STPG2: variants seen among roughly 807,000 people sequenced by gnomAD.
STPG2 encodes the protein sperm-tail PG-rich repeat-containing protein 2.
Under a neutral mutation model 54.2 loss-of-function variants are expected in STPG2, and 56 were observed. The observed-to-expected ratio is 1.03, with a 90% CI of 0.83 to 1.29. The LOEUF (loss-of-function observed/expected upper bound fraction) is 1.29. Ranked by LOEUF, STPG2 falls within the 50% of genes most tolerant of loss-of-function variation. The probability of loss-of-function intolerance (pLI) is 0.00; values close to 1 mark genes in which losing one functional copy is unlikely to be tolerated. For synonymous variants in STPG2, 200 were observed against 181.8 expected, an observed-to-expected ratio of 1.10 and a Z score of -0.81; for missense variants, 596 against 544.9, an observed-to-expected ratio of 1.09 and a Z score of -0.93.
At chr4:97,911,031 C>A (rs190498709) in intron 8 of STPG2, among the ~76,000 whole-genome samples, 1 of 152,292 alleles carries the variant, frequency 6.6e-6, no homozygotes, top group African/African-American at 2.4e-5. Context: ...CAATAGCTCA[C>A]CTGGAAGCAC....
At chr4:97,861,156 T>A (rs1190789505) in intron 8 of STPG2, among the ~76,000 whole-genome samples, 1 of 151,970 alleles carries the variant, frequency 6.6e-6, no homozygotes, top group East Asian at 1.9e-4. Flanking sequence ...AAAAATACAA[T>A]AATCTGATTT....
rs112799834 is a variant in STPG2, at chr4:97,544,186, A to C, written c.462+168513T>G. Among the ~76,000 whole-genome samples the C allele has an allele frequency of 2.8e-3, 423 of 152,278 alleles. 2 individuals carry two copies. The highest frequency in any genetic ancestry group is 4.6e-3 in the Non-Finnish European group (314 of 67,978). On this transcript the variant is annotated intron_variant, in intron 4 of 4. Coordinates refer to the STPG2 transcript ENST00000522676. Reference sequence around the variant, plus strand: ...AAATTATAAAGATACAATTCCAGTTAATTACATTACAAGTATCTCAGAATG... The same window carrying C: ...AAATTATAAAGATACAATTCCAGTTCATTACATTACAAGTATCTCAGAATG...
intron 9 of STPG2, among the ~76,000 whole-genome samples, chr4:97,833,171 C>G (rs1728522195): frequency 6.6e-6 from 1 of 152,100 alleles, no homozygotes; most frequent in Admixed American, 6.6e-5. Flanking sequence ...ATGTATAGAC[C>G]AATGGAACAG....
intron 4 of STPG2, among the ~76,000 whole-genome samples, chr4:97,454,750 T>C (rs2148801775): frequency 6.6e-6 from 1 of 152,208 alleles, no homozygotes; most frequent in African/African-American, 2.4e-5. Context: ...TTTAGGAATA[T>C]ATCATGACTA....
intron 9 of STPG2, among the ~76,000 whole-genome samples, chr4:97,717,030 G>C (rs1376132909): frequency 6.6e-6 from 1 of 152,090 alleles, no homozygotes; most frequent in African/African-American, 2.4e-5. Flanking sequence ...ATAGCAAAGA[G>C]AAAAGACTAG....
intron 4 of STPG2, among the ~76,000 whole-genome samples, chr4:97,504,382 A>G (rs1730801891): frequency 6.6e-6 from 1 of 151,480 alleles, no homozygotes; most frequent in South Asian, 2.1e-4. Context: ...TAATCTTGAC[A>G]TCAAAATTAC....
chr4:97,846,076 G>A (rs1426390629), intron 8 of STPG2, among the ~76,000 whole-genome samples: 1 of 151,990 alleles, frequency 6.6e-6, no homozygotes, highest in Non-Finnish European at 1.5e-5. Flanking sequence ...TCTTTACTAT[G>A]AAGTATTTAT....
At position 97,657,353 on chromosome 4, in the gene STPG2, G is replaced by T. The variant is rs564121590; in HGVS notation, c.1320+55346C>A. On this transcript the variant is annotated intron_variant, in intron 10 of 10. Transcript: ENST00000295268. ...AGAGTAATTAAATTCCATCATCTTTGCTATGATGCCAACTCTAAAACATAA... is the reference window on the plus strand; with the variant it reads ...AGAGTAATTAAATTCCATCATCTTTTCTATGATGCCAACTCTAAAACATAA... 7.2e-5 allele frequency among the ~76,000 whole-genome samples: 11 copies of T among 152,122 alleles called. No individual in the cohort carries two copies. In the South Asian group the frequency reaches 2.3e-3, roughly 32 times the overall value.
intron 5 of STPG2, among the ~76,000 whole-genome samples, chr4:97,987,663 G>A (rs960110911): frequency 1.3e-5 from 2 of 151,686 alleles, no homozygotes; most frequent in Non-Finnish European, 2.9e-5. Flanking sequence ...ATTTTTCTTT[G>A]TCTGAAAGAA....
chr4:97,906,523 A>C (rs889145634), intron 8 of STPG2, among the ~76,000 whole-genome samples: 1 of 152,244 alleles, frequency 6.6e-6, no homozygotes, highest in African/African-American at 2.4e-5. Context: ...TTATCAGGCC[A>C]GTATCATCCT....
chr4:97,924,213 C>T (rs35157639), intron 8 of STPG2, among the ~76,000 whole-genome samples: 37,298 of 152,044 alleles, frequency 0.25, 5,332 homozygotes, highest in Middle Eastern at 0.36. Context: ...CCGGACACAC[C>T]ACCTTTAAGA....
At chr4:97,828,963 C>T (rs1728350681) in intron 9 of STPG2, among the ~76,000 whole-genome samples, 1 of 152,200 alleles carries the variant, frequency 6.6e-6, no homozygotes, top group Middle Eastern at 3.2e-3. Context: ...CAGACTTAAA[C>T]ATCCCTGCCT....
chr4:97,961,553 A>T (rs1216199791), intron 7 of STPG2, among the ~76,000 whole-genome samples: 1 of 152,226 alleles, frequency 6.6e-6, no homozygotes, highest in East Asian at 1.9e-4. Flanking sequence ...GAGGACATGA[A>T]TAGACAATTC....
At chr4:97,564,529 C>T (rs1353851138) in intron 10 of STPG2, among the ~76,000 whole-genome samples, 4 of 152,112 alleles carry the variant, frequency 2.6e-5, no homozygotes, top group Admixed American at 6.5e-5. Flanking sequence ...TTCCTAGCAT[C>T]GATGGTCTTT....
chr4:97,629,458 C>T (rs1429714178), intron 10 of STPG2, among the ~76,000 whole-genome samples: 3 of 151,854 alleles, frequency 2.0e-5, no homozygotes, highest in Non-Finnish European at 4.4e-5. Context: ...AGAAACAAAA[C>T]AAGATGAAGA....
intron 8 of STPG2, among the ~76,000 whole-genome samples, chr4:97,865,089 A>C (rs1247806750): frequency 6.6e-6 from 1 of 152,206 alleles, no homozygotes; most frequent in Non-Finnish European, 1.5e-5. Flanking sequence ...AAAATTGACA[A>C]ATGGGATCTC....
intron 9 of STPG2, among the ~76,000 whole-genome samples, chr4:97,838,930 T>G (rs1009738822): frequency 2.6e-5 from 4 of 151,530 alleles, no homozygotes; most frequent in Non-Finnish European, 5.9e-5. Context: ...TGGGCCACTT[T>G]AAGATGCACG....
In STPG2 at chr4:97,537,322, T is replaced by A. The variant is rs564675353; in HGVS notation, c.462+175377A>T. On this transcript the variant is annotated intron_variant, in intron 4 of 4. Coordinates refer to the STPG2 transcript ENST00000522676. ...AAGCAAAGCTGTGACAGATGGCACCTGGAAAATCAGATCACTCCCACCCTA... is the reference window on the plus strand; with the variant it reads ...AAGCAAAGCTGTGACAGATGGCACCAGGAAAATCAGATCACTCCCACCCTA... Among the ~76,000 whole-genome samples the A allele has an allele frequency of 9.2e-5, 14 of 152,274 alleles. No homozygotes were observed. The South Asian group carries it at 1.2e-3, about 14-fold the overall frequency.
intron 8 of STPG2, among the ~76,000 whole-genome samples, chr4:97,943,640 T>C (rs554686839): frequency 2.3e-4 from 35 of 152,312 alleles, no homozygotes; most frequent in Non-Finnish European, 1.2e-4. Flanking sequence ...TCAGCTTTCA[T>C]ATATGTCCTA....
Sources: gnomAD v4.1 joint callset for allele counts (sites outside exome capture counted in the v4.1 genomes callset) on GRCh38, gnomAD v4.1.1 for gene constraint, MANE v1.5 for transcripts, NCBI Gene and HGNC (gene_info 2026-07-23, HGNC 2026-07-21) for gene names.